Variants in PRUNE2 observed in about 807,000 individuals in gnomAD.
The protein encoded by PRUNE2 is protein prune homolog 2.
In PRUNE2, 164 loss-of-function variants were observed where a neutral mutation model predicts 252.0. The ratio of observed to expected loss-of-function variants is 0.65; its 90% confidence interval spans 0.57 to 0.74. The LOEUF is 0.74. Ranked by LOEUF, PRUNE2 falls within the 30% of genes least tolerant of loss-of-function variation. PRUNE2 has a pLI of 0.00. For synonymous variants in PRUNE2, 1,292 were observed against 1,350.2 expected (o/e 0.96, Z 0.94); for missense variants, 3,495 against 3,711.0 (o/e 0.94, Z 1.51).
chr9:76,795,201 T>C (rs2055967081), intron 6 of PRUNE2, among the ~76,000 whole-genome samples: 1 of 152,122 alleles, frequency 6.6e-6, no homozygotes, highest in Non-Finnish European at 1.5e-5. Flanking sequence ...GGTCTCAGTA[T>C]CATACCCTAT....
chr9:76,727,710 C>CTTTTTTTT (rs373565657), intron 6 of PRUNE2, among the ~76,000 whole-genome samples: 3 of 42,902 alleles, frequency 7.0e-5, no homozygotes, highest in Non-Finnish European at 1.2e-4. Flanking sequence ...GTAAACAGGG[C>CTTTTTTTT]TTTTTTTTTT....
intron 1 of PRUNE2, among the ~76,000 whole-genome samples, chr9:76,868,362 A>C (rs1277724331): frequency 6.6e-6 from 1 of 152,228 alleles, no homozygotes; most frequent in Non-Finnish European, 1.5e-5. Context: ...CTGAAAAACA[A>C]ACTGTTCATC....
At chr9:76,832,827 T>C (rs1018547603) in intron 4 of PRUNE2, among the ~76,000 whole-genome samples, 1 of 151,918 alleles carries the variant, frequency 6.6e-6, no homozygotes, top group African/African-American at 2.4e-5. Flanking sequence ...AAAGAAGACA[T>C]AGTTTACCAA....
chr9:76,901,368 A>C (rs1037869842), intron 1 of PRUNE2, among the ~76,000 whole-genome samples: 1 of 152,132 alleles, frequency 6.6e-6, no homozygotes, highest in Non-Finnish European at 1.5e-5. Context: ...CCTGGTTTGC[A>C]ATGGGGCAGG....
intron 6 of PRUNE2, chr9:76,788,576 A>G (rs1456581107): frequency 2.8e-6 from 2 of 708,774 alleles, no homozygotes; most frequent in East Asian, 5.4e-5. Flanking sequence ...GTGTGTGGCA[A>G]GTATTGAATA....
intron 6 of PRUNE2, among the ~76,000 whole-genome samples, chr9:76,774,450 C>CTTTTTTTATTTATTTATTTATTTATTTT (rs1564272256): frequency 7.2e-5 from 3 of 41,402 alleles, no homozygotes; most frequent in South Asian, 9.9e-4. Flanking sequence ...CAGTTCAACC[C>CTTTTTTTATTTATTTATTTATTTATTTT]TTTTTTTTTT....
At chr9:76,822,450 C>T (rs73462307) in intron 6 of PRUNE2, among the ~76,000 whole-genome samples, 9,453 of 152,206 alleles carry the variant, frequency 0.062, 409 homozygotes, top group African/African-American at 0.13. Context: ...GATGTAGACA[C>T]CAATATGAGT....
chr9:76,753,165 G>C (rs981923272), intron 6 of PRUNE2, among the ~76,000 whole-genome samples: 2 of 151,992 alleles, frequency 1.3e-5, no homozygotes, highest in Non-Finnish European at 2.9e-5. Flanking sequence ...GAGTAGCTAG[G>C]ACCACAGGCA....
At chr9:76,671,066 G>A (rs866257838) in intron 9 of PRUNE2, among the ~76,000 whole-genome samples, 3 of 152,192 alleles carry the variant, frequency 2.0e-5, no homozygotes, top group African/African-American at 7.2e-5. Context: ...TGACTTTGAC[G>A]AGCTGAGAGA....
chr9:76,733,683 G>A (rs888350342), intron 6 of PRUNE2: 6 of 152,090 alleles, frequency 3.9e-5, no homozygotes, highest in African/African-American at 1.4e-4. Flanking sequence ...AGGACTACAG[G>A]CATGAGCCAT....
At chr9:76,680,662 A>T (rs1422934342) in intron 9 of PRUNE2, among the ~76,000 whole-genome samples, 1 of 152,352 alleles carries the variant, frequency 6.6e-6, no homozygotes, top group Non-Finnish European at 1.5e-5. Flanking sequence ...TAATGGAAGA[A>T]TGGAAGTATT....
At chr9:76,778,070 A>G (rs116453755) in intron 6 of PRUNE2, among the ~76,000 whole-genome samples, 3,461 of 152,298 alleles carry the variant, frequency 0.023, 125 homozygotes, top group African/African-American at 0.077. Flanking sequence ...TTGGCTGCAC[A>G]TTAGATTTAT....
rs779068898 is a variant in PRUNE2 at position 76,850,524 on chromosome 9, G to A, written c.283C>T (p.His95Tyr). 1.9e-6 allele frequency: 3 copies of A among 1,613,930 alleles called. No homozygotes were observed. The highest frequency in any genetic ancestry group is 1.7e-5 in the Admixed American group (1 of 60,016). ...AACTTCCCTTCATCATTTAGCTGAT[G>A]CAGGTTAATTTCATCCCGGAATATG... is the stretch of plus-strand genomic sequence containing the variant. ...FHIFRDEINLHQLNDEGKLSI... is the reference protein window; with the variant it reads ...FHIFRDEINLYQLNDEGKLSI... The change falls in exon 3 of 19, where the codon CAT becomes TAT. Residue 95 changes from histidine (H) to tyrosine (Y), a missense_variant. Coordinates refer to ENST00000376718, the MANE Select transcript of PRUNE2 (RefSeq NM_015225.3).
At chr9:76,873,884 T>C (rs2061350385) in intron 1 of PRUNE2, among the ~76,000 whole-genome samples, 1 of 152,154 alleles carries the variant, frequency 6.6e-6, no homozygotes, top group South Asian at 2.1e-4. Context: ...CTAAAATACA[T>C]GATAACAAAA....
intron 6 of PRUNE2, among the ~76,000 whole-genome samples, chr9:76,797,475 C>T (rs1351042241): frequency 6.6e-6 from 1 of 151,872 alleles, no homozygotes; most frequent in African/African-American, 2.4e-5. Flanking sequence ...TATTGTTATT[C>T]AAGAGAAAGA....
intron 9 of PRUNE2, among the ~76,000 whole-genome samples, chr9:76,678,848 A>T (rs979326758): frequency 1.2e-4 from 18 of 152,150 alleles, no homozygotes; most frequent in Non-Finnish European, 2.2e-4. Context: ...TAAATAAATA[A>T]AAATAAATAA....
chr9:76,801,234 A>G (rs939957670), intron 6 of PRUNE2, among the ~76,000 whole-genome samples: 86 of 152,230 alleles, frequency 5.6e-4, no homozygotes, highest in African/African-American at 2.0e-3. Flanking sequence ...TATTCACTGC[A>G]TGCAATTTAA....
chr9:76,755,011 C>CA (rs1263509754), intron 6 of PRUNE2, among the ~76,000 whole-genome samples: 136 of 113,970 alleles, frequency 1.2e-3, no homozygotes, highest in African/African-American at 3.0e-3. Context: ...AAAGCAAAAA[C>CA]AAAAAAAACT....
rs1410573212 is a variant in PRUNE2 at position 76,655,483 on chromosome 9, C to T, written c.8296G>A (p.Gly2766Arg). The change falls in exon 10 of 19, where the codon GGA becomes AGA. Residue 2766 changes from glycine (G) to arginine (R), a missense_variant. Transcript: ENST00000376718. Reference protein sequence around the residue: ...RPNGLLSEDVGMDIPFEEGVL... With the variant: ...RPNGLLSEDVRMDIPFEEGVL... Reference sequence around the variant, plus strand: ...CCCTCTTCAAAGGGGATGTCCATTCCTACATCCTCTGACAGTAGTCTGCAA... The same window carrying T: ...CCCTCTTCAAAGGGGATGTCCATTCTTACATCCTCTGACAGTAGTCTGCAA... 1.9e-6 allele frequency: 3 copies of T among 1,612,484 alleles called. No homozygotes were observed. The highest frequency in any genetic ancestry group is 1.3e-5 in the African/African-American group (1 of 74,876).
Sources: allele counts gnomAD v4.1 joint callset (sites outside exome capture counted in the v4.1 genomes callset), GRCh38; gene constraint gnomAD v4.1.1; transcripts MANE v1.5; gene names NCBI Gene and HGNC (gene_info 2026-07-23, HGNC 2026-07-21).